ANKS1B: variants seen among roughly 807,000 people sequenced by gnomAD.
The protein encoded by ANKS1B is ankyrin repeat and sterile alpha motif domain containing 1B, also known as ankyrin repeat and sterile alpha motif domain-containing protein 1B.
ANKS1B carries 36 observed loss-of-function variants against 148.3 expected under a neutral mutation model. The observed-to-expected ratio is 0.24, with a 90% CI of 0.19 to 0.32. ANKS1B has a LOEUF of 0.32. Ranked by LOEUF, ANKS1B falls within the 10% of genes least tolerant of loss-of-function variation. The pLI is 1.00. For missense variants in ANKS1B, 1,157 were observed against 1,542.6 expected, an observed-to-expected ratio of 0.75 and a Z score of 4.19; for synonymous variants, 542 against 560.8, an observed-to-expected ratio of 0.97 and a Z score of 0.47.
chr12:99,346,963 C>T (rs2090779847), intron 12 of ANKS1B, among the ~76,000 whole-genome samples: 1 of 151,932 alleles, frequency 6.6e-6, no homozygotes, highest in Non-Finnish European at 1.5e-5. Context: ...GTGTCCATCC[C>T]CACCATTGCT....
At chr12:99,103,618 G>A (rs776322532) in intron 15 of ANKS1B, among the ~76,000 whole-genome samples, 24 of 152,068 alleles carry the variant, frequency 1.6e-4, no homozygotes, top group African/African-American at 3.9e-4. Flanking sequence ...CCTATCAATC[G>A]TCATGATACC....
intron 15 of ANKS1B, among the ~76,000 whole-genome samples, chr12:99,141,803 C>T (rs542738940): frequency 7.7e-4 from 117 of 152,116 alleles, no homozygotes; most frequent in Non-Finnish European, 1.0e-3. Flanking sequence ...AGTATATGTA[C>T]TACATTTTCT....
intron 17 of ANKS1B, among the ~76,000 whole-genome samples, chr12:99,001,765 A>T (rs1454922717): frequency 6.6e-6 from 1 of 152,210 alleles, no homozygotes. Flanking sequence ...AACTTAATTC[A>T]TCTTACAACA....
At chr12:99,001,178 G>A (rs924392033) in intron 17 of ANKS1B, among the ~76,000 whole-genome samples, 20 of 151,896 alleles carry the variant, frequency 1.3e-4, no homozygotes, top group African/African-American at 4.6e-4. Context: ...TCTGTTGCCC[G>A]GGCTGGAGTG....
At chr12:99,631,000 G>C (rs1330111143) in intron 9 of ANKS1B, among the ~76,000 whole-genome samples, 1 of 152,106 alleles carries the variant, frequency 6.6e-6, no homozygotes, top group Non-Finnish European at 1.5e-5. Flanking sequence ...AGAGCTGATG[G>C]CTTTATAAAG....
At chr12:99,900,524 A>G (rs1322115638) in intron 1 of ANKS1B, among the ~76,000 whole-genome samples, 1 of 147,062 alleles carries the variant, frequency 6.8e-6, no homozygotes, top group Admixed American at 6.7e-5. Flanking sequence ...AAAAAAAAAA[A>G]AAAACTATGT....
rs377232349 is a variant in ANKS1B at position 99,361,987 on chromosome 12, A to G, written c.1756+37644T>C. On this transcript the variant is annotated intron_variant, in intron 12 of 26. Transcript: ENST00000683438. ...AGGAAGAAAGTGAAGCAAAACATAT[A>G]TGCCATGTAGGAAGATAATTATACA... 9.1e-5 allele frequency among the ~76,000 whole-genome samples: 11 copies of G among 120,898 alleles called. No individual in the cohort carries two copies. In the East Asian group the frequency reaches 2.8e-3, roughly 30 times the overall value. The allele number at this position is 120,898 out of a possible 152,430, so 79.3% of individuals were successfully genotyped here. A position where few individuals can be genotyped will look rare whatever the true frequency, so the allele number is the denominator to read the frequency against.
At chr12:99,685,984 G>T (rs906099619) in intron 8 of ANKS1B, among the ~76,000 whole-genome samples, 1 of 152,038 alleles carries the variant, frequency 6.6e-6, no homozygotes. Context: ...TCCAGGGTAA[G>T]GGGTGGGGAT....
At chr12:99,416,287 G>C (rs1303571986) in intron 11 of ANKS1B, among the ~76,000 whole-genome samples, 3 of 152,178 alleles carry the variant, frequency 2.0e-5, no homozygotes, top group Non-Finnish European at 4.4e-5. Flanking sequence ...CCAGTTTTTA[G>C]CTGTTATGAA....
chr12:99,588,778 T>G (rs930522769), intron 9 of ANKS1B, among the ~76,000 whole-genome samples: 7 of 152,202 alleles, frequency 4.6e-5, no homozygotes, highest in African/African-American at 1.7e-4. Context: ...TATGGCCTGC[T>G]CCAGGCTTTC....
At chr12:99,234,611 T>C (rs895317817) in intron 14 of ANKS1B, among the ~76,000 whole-genome samples, 2 of 152,184 alleles carry the variant, frequency 1.3e-5, no homozygotes, top group Non-Finnish European at 2.9e-5. Flanking sequence ...TGTATCTGCA[T>C]ATGTTAGACT....
At chr12:99,083,875 C>T (rs1387826329) in intron 16 of ANKS1B, 1 of 152,130 alleles carries the variant, frequency 6.6e-6, no homozygotes, top group African/African-American at 2.4e-5. Flanking sequence ...CAGACGAGAT[C>T]GGGCACGTTC....
intron 10 of ANKS1B, among the ~76,000 whole-genome samples, chr12:99,460,304 T>C (rs527538957): frequency 1.3e-5 from 2 of 152,252 alleles, no homozygotes; most frequent in Admixed American, 1.3e-4. Flanking sequence ...CCTGAAACCA[T>C]AACAATTCTA....
chr12:99,932,321 A>T (rs756061492), intron 1 of ANKS1B, among the ~76,000 whole-genome samples: 3 of 151,960 alleles, frequency 2.0e-5, no homozygotes. Context: ...GTATTTCTCT[A>T]TATTTCTAGT....
At chr12:99,302,567 T>A (rs1373063888) in intron 12 of ANKS1B, among the ~76,000 whole-genome samples, 3 of 152,180 alleles carry the variant, frequency 2.0e-5, no homozygotes, top group Non-Finnish European at 4.4e-5. Flanking sequence ...GGGATTCAGA[T>A]GACATTGTGC....
intron 14 of ANKS1B, among the ~76,000 whole-genome samples, chr12:99,227,108 G>A (rs564993825): frequency 1.3e-5 from 2 of 152,288 alleles, no homozygotes; most frequent in Non-Finnish European, 2.9e-5. Flanking sequence ...AGTGTTGGAG[G>A]TGGGGCCTGG....
chr12:98,935,393 T>G (rs368514364), intron 17 of ANKS1B, among the ~76,000 whole-genome samples: 46 of 152,346 alleles, frequency 3.0e-4, no homozygotes, highest in African/African-American at 1.1e-3. Flanking sequence ...TGTTGAAGAT[T>G]TCTGCATCTA....
intron 19 of ANKS1B, among the ~76,000 whole-genome samples, chr12:98,812,864 T>A (rs1018631935): frequency 1.7e-4 from 26 of 152,244 alleles, no homozygotes; most frequent in African/African-American, 5.5e-4. Flanking sequence ...ATTATTTTTT[T>A]AAAAAATCGG....
chr12:99,799,078 A>C (rs2153654232), intron 4 of ANKS1B, among the ~76,000 whole-genome samples: 1 of 152,164 alleles, frequency 6.6e-6, no homozygotes, highest in African/African-American at 2.4e-5. Context: ...GCTTTATGAA[A>C]AGTCATCTTC....
Sources: gnomAD v4.1 joint callset for allele counts (sites outside exome capture counted in the v4.1 genomes callset) on GRCh38, gnomAD v4.1.1 for gene constraint, MANE v1.5 for transcripts, NCBI Gene and HGNC (gene_info 2026-07-23, HGNC 2026-07-21) for gene names.